Variants in RNPEP observed in about 807,000 individuals in gnomAD.
RNPEP encodes the protein arginyl aminopeptidase, also known as aminopeptidase B.
A neutral mutation model predicts 70.1 loss-of-function variants in RNPEP; 57 were observed. The ratio of observed to expected loss-of-function variants is 0.81; its 90% confidence interval spans 0.66 to 1.01. The LOEUF is 1.01. Ranked by LOEUF, RNPEP falls within the 50% of genes least tolerant of loss-of-function variation. RNPEP has a pLI of 0.00. For missense variants in RNPEP, 787 were observed against 852.4 expected (o/e 0.92, Z 0.96); for synonymous variants, 335 against 357.4 (o/e 0.94, Z 0.71).
intron 10 of RNPEP, among the ~76,000 whole-genome samples, chr1:202,005,292 C>T (rs1684008863): frequency 6.6e-6 from 1 of 152,144 alleles, no homozygotes; most frequent in Admixed American, 6.6e-5. Context: ...TTGTGTCCAC[C>T]CAACTCATTC....
In RNPEP at chr1:201,983,119, T is replaced by G. The variant is rs1225220263; in HGVS notation, c.447+6T>G. 1 of 1,461,700 alleles carries G rather than the reference T, an allele frequency of 6.8e-7. No individual in the cohort carries two copies. The highest frequency in any genetic ancestry group is 9.0e-7 in the Non-Finnish European group (1 of 1,116,962). 90.5% of individuals were successfully genotyped at this position (1,461,700 alleles called of 1,614,324 possible). On this transcript the variant is annotated splice_donor_region_variant and intron_variant, in intron 1 of 10. Coordinates refer to ENST00000295640, the MANE Select transcript of RNPEP (RefSeq NM_020216.4). The stretch of plus-strand genomic sequence containing the variant: ...GCGTCGGGGAGGGACCCGGGGTGAG[T>G]GCGCCCCAGACTGCGCCCGCCGCTG...
intron 1 of RNPEP, among the ~76,000 whole-genome samples, chr1:201,988,603 A>G (rs1460814200): frequency 1.3e-5 from 2 of 152,166 alleles, no homozygotes; most frequent in Admixed American, 6.5e-5. Context: ...AAGGACACAG[A>G]TAGGGTACAG....
Position 201,982,933 on chromosome 1 carries a change from G to C in RNPEP, c.267G>C (p.Thr89=), listed in dbSNP as rs1030900000. The part of the protein sequence containing the change: ...RLDSHPCLEV[T]AAALRRERPG... ...ACTCGCACCCGTGCCTGGAGGTGAC[G>C]GCGGCGGCGCTGCGGCGGGAGCGGC... The change falls in exon 1 of 11, where the codon ACG becomes ACC. Residue 89 remains threonine (T), a synonymous_variant. Coordinates refer to ENST00000295640, the MANE Select transcript of RNPEP (RefSeq NM_020216.4). 8.7e-6 allele frequency: 13 copies of C among 1,488,542 alleles called. No homozygotes were observed. Among genetic ancestry groups the C allele is most frequent in the East Asian group, 3.0e-5 (1 of 33,884 alleles). The allele number at this position is 1,488,542 out of a possible 1,614,324, so 92.2% of individuals were successfully genotyped here.
At chr1:201,988,474 A>C (rs970127397) in intron 1 of RNPEP, among the ~76,000 whole-genome samples, 10 of 150,824 alleles carry the variant, frequency 6.6e-5, no homozygotes, top group African/African-American at 2.2e-4. Context: ...AAAAAAAAAA[A>C]AAAAAAAAAC....
In RNPEP at chr1:201,983,475, T is replaced by G. The variant is rs1362266505; in HGVS notation, c.447+362T>G. 7 of 1,369,436 alleles carry G rather than the reference T, an allele frequency of 5.1e-6. No individual in the cohort carries two copies. In the Admixed American group the frequency reaches 1.5e-4, roughly 30 times the overall value. 84.8% of individuals were successfully genotyped at this position (1,369,436 alleles called of 1,614,324 possible). A position where few individuals can be genotyped will look rare whatever the true frequency, so the allele number is the denominator to read the frequency against. On this transcript the variant is annotated intron_variant, in intron 1 of 10. Coordinates refer to ENST00000295640, the MANE Select transcript of RNPEP (RefSeq NM_020216.4). ...CGTGGCTTTCTAGATGACCTGTTGT[T>G]CATGCACTTCACTTAGTGCCCTCTT...
chr1:201,983,620 A>G (rs1304784998), intron 1 of RNPEP: 1 of 1,245,898 alleles, frequency 8.0e-7, no homozygotes, highest in Non-Finnish European at 1.0e-6. Flanking sequence ...TTCCACGGTT[A>G]AAGCTCTTAT....
intron 10 of RNPEP, among the ~76,000 whole-genome samples, chr1:202,005,252 C>A (rs1038623918): frequency 6.6e-6 from 1 of 152,186 alleles, no homozygotes; most frequent in African/African-American, 2.4e-5. Flanking sequence ...TGGCTCACCA[C>A]CTACACCTTT....
intron 10 of RNPEP, 23 bp from the exon 11 acceptor site, chr1:202,005,535 A>G (rs764086600): frequency 2.8e-5 from 45 of 1,611,628 alleles, no homozygotes; most frequent in Non-Finnish European, 7.6e-6. Flanking sequence ...CTTCTTAGGC[A>G]TGTGTATGTG....
Position 201,982,959 on chromosome 1 carries a change from C to T in RNPEP, c.293C>T (p.Pro98Leu). The change falls in exon 1 of 11, where the codon CCC becomes CTC. Residue 98 changes from proline (P) to leucine (L), a missense_variant. Transcript: ENST00000295640. ...GCGGCGGCGCTGCGGCGGGAGCGGCCCGGCTCGGAGGAGCCGCCTGCGGAG... is the reference window on the plus strand; with the variant it reads ...GCGGCGGCGCTGCGGCGGGAGCGGCTCGGCTCGGAGGAGCCGCCTGCGGAG... ...VTAAALRRER[P>L]GSEEPPAEPV... 1 of 1,498,740 alleles carries T rather than the reference C, an allele frequency of 6.7e-7. No homozygotes were observed. The highest frequency in any genetic ancestry group is 1.3e-5 in the South Asian group (1 of 79,056). The allele number at this position is 1,498,740 out of a possible 1,614,324, so 92.8% of individuals were successfully genotyped here. A position where few individuals can be genotyped will look rare whatever the true frequency, so the allele number is the denominator to read the frequency against.
At chr1:202,002,209 G>T (rs1462595409) in intron 8 of RNPEP, among the ~76,000 whole-genome samples, 1 of 150,958 alleles carries the variant, frequency 6.6e-6, no homozygotes, top group Admixed American at 6.6e-5. Context: ...TGTTGCCCAG[G>T]CTGGAGTGCA....
Position 202,003,383 on chromosome 1 carries a change from G to C in RNPEP, c.1573G>C (p.Val525Leu), listed in dbSNP as rs1013748784. 1 of 1,614,128 alleles carries C rather than the reference G, an allele frequency of 6.2e-7. No homozygotes were observed. The highest frequency in any genetic ancestry group is 1.6e-4 in the Middle Eastern group (1 of 6,062). Residue 525 changes from valine to leucine, a missense_variant, in exon 9 of 11, where the codon GTG becomes CTG. Val to Leu is a conservative substitution (Grantham distance 32). Transcript: ENST00000295640. ...GCTGGACATGAAGGCCATTGAAGCC[G>C]TGGCCATCTCTCCCTGGAAGACCTA... ...EELDMKAIEA[V>L]AISPWKTYQL...
intron 3 of RNPEP, among the ~76,000 whole-genome samples, chr1:201,993,859 A>G (rs1405753840): frequency 6.6e-6 from 1 of 152,168 alleles, no homozygotes; most frequent in African/African-American, 2.4e-5. Context: ...CTCTGTAGCC[A>G]GGTGACTTCA....
At chr1:201,988,086 G>A (rs981840278) in intron 1 of RNPEP, among the ~76,000 whole-genome samples, 2 of 151,532 alleles carry the variant, frequency 1.3e-5, no homozygotes, top group Non-Finnish European at 2.9e-5. Context: ...ACTGCAGTGA[G>A]CTGAGATCAC....
chr1:201,983,174 C>T (rs537544787), intron 1 of RNPEP, 61 bp downstream of exon 1: 522 of 1,421,944 alleles, frequency 3.7e-4, no homozygotes, highest in Non-Finnish European at 4.4e-4. Context: ...CCCAGCCGCC[C>T]TGCACCCTCA....
chr1:202,001,803 A>T, intron 8 of RNPEP, 36 bp downstream of exon 8: 1 of 1,236,092 alleles, frequency 8.1e-7, no homozygotes, highest in Non-Finnish European at 1.2e-6. Flanking sequence ...CTTCTAAAAA[A>T]TAGTAGAGAA....
chr1:201,988,468 A>C lies in RNPEP; in HGVS notation c.448-436A>C, dbSNP rs796750701. ...GCGATACTCTGTCTCAAAAAAAAAAAAAAAAAAAAAAAAAACATATTAATC... is the reference window on the plus strand; with the variant it reads ...GCGATACTCTGTCTCAAAAAAAAAACAAAAAAAAAAAAAAACATATTAATC... On this transcript the variant is annotated intron_variant, in intron 1 of 10. Transcript: ENST00000295640. Among the ~76,000 whole-genome samples, 16 of 146,340 alleles carry C rather than the reference A, an allele frequency of 1.1e-4. 1 individual carries two copies. Among genetic ancestry groups the C allele is most frequent in the African/African-American group, 4.4e-4 (16 of 36,194 alleles).
At chr1:201,996,493 G>GTA in intron 4 of RNPEP, 1 of 380,592 alleles carries the variant, frequency 2.6e-6, no homozygotes. Flanking sequence ...GTGTGTGTGT[G>GTA]TGTGTGTGTG....
At chr1:201,986,665 G>A (rs991208819) in intron 1 of RNPEP, among the ~76,000 whole-genome samples, 7 of 150,800 alleles carry the variant, frequency 4.6e-5, no homozygotes, top group Non-Finnish European at 7.4e-5. Context: ...CTCAGCCTCC[G>A]AAGTAGCTGG....
intron 8 of RNPEP, 56 bp from the exon 9 acceptor site, chr1:202,003,181 A>G: frequency 7.3e-7 from 1 of 1,367,198 alleles, no homozygotes; most frequent in Non-Finnish European, 1.0e-6. Context: ...TGCTTAAACC[A>G]GTTGACCGTA....
Sources: allele counts gnomAD v4.1 joint callset (sites outside exome capture counted in the v4.1 genomes callset), GRCh38; gene constraint gnomAD v4.1.1; transcripts MANE v1.5; gene names NCBI Gene and HGNC (gene_info 2026-07-23, HGNC 2026-07-21).